The following ENOX1 variants were observed in gnomAD, a reference collection of about 807,000 sequenced individuals.
ENOX1 encodes the protein ecto-NOX disulfide-thiol exchanger 1, also known as candidate growth-related and time keeping constitutive hydroquinone (NADH) oxidase.
Under a neutral mutation model 82.5 loss-of-function variants are expected in ENOX1, and 42 were observed. That is an observed-to-expected ratio of 0.51 (90% CI 0.40 to 0.66). The LOEUF (loss-of-function observed/expected upper bound fraction) is 0.66, where lower values mean the gene tolerates loss of function less well. Ranked by LOEUF, ENOX1 falls within the 30% of genes least tolerant of loss-of-function variation. ENOX1 has a pLI of 0.00. For missense variants in ENOX1, 608 were observed against 811.6 expected, an observed-to-expected ratio of 0.75 and a Z score of 3.05; for synonymous variants, 271 against 282.2, an observed-to-expected ratio of 0.96 and a Z score of 0.40.
chr13:43,390,393 A>C (rs1266556118), intron 5 of ENOX1, among the ~76,000 whole-genome samples: 1 of 152,192 alleles, frequency 6.6e-6, no homozygotes, highest in Non-Finnish European at 1.5e-5. Flanking sequence ...TTTATCAAGG[A>C]GAATGCCTGC....
intron 5 of ENOX1, among the ~76,000 whole-genome samples, chr13:43,387,285 T>G (rs948932193): frequency 1.3e-5 from 2 of 152,118 alleles, no homozygotes; most frequent in South Asian, 2.1e-4. Flanking sequence ...GCCGTTTGAT[T>G]GGTTAAGATG....
chr13:43,289,187 A>G (rs2045867288), intron 12 of ENOX1, among the ~76,000 whole-genome samples: 1 of 152,130 alleles, frequency 6.6e-6, no homozygotes, highest in Non-Finnish European at 1.5e-5. Context: ...CAAATTACTA[A>G]TGTCATTCTT....
chr13:43,326,391 G>T (rs2048116933), intron 10 of ENOX1, 28 bp downstream of exon 10: 1 of 1,591,014 alleles, frequency 6.3e-7, no homozygotes, highest in South Asian at 1.1e-5. Flanking sequence ...TGTGATGGTG[G>T]TTAAAAAGTA....
At chr13:43,312,742 T>C (rs908955103) in intron 11 of ENOX1, among the ~76,000 whole-genome samples, 4 of 152,150 alleles carry the variant, frequency 2.6e-5, no homozygotes, top group African/African-American at 9.7e-5. Flanking sequence ...AAATGGGTGG[T>C]ACCAATTTCC....
intron 2 of ENOX1, among the ~76,000 whole-genome samples, chr13:43,559,597 C>T (rs1203819119): frequency 6.6e-5 from 10 of 152,044 alleles, no homozygotes; most frequent in African/African-American, 1.9e-4. Context: ...TAAATTATCC[C>T]GTTATAGCTA....
At chr13:43,493,130 TTC>T (rs147517109) in intron 2 of ENOX1, among the ~76,000 whole-genome samples, 18 of 149,324 alleles carry the variant, frequency 1.2e-4, no homozygotes, top group South Asian at 2.1e-4. Flanking sequence ...TATCTTAAGA[TTC>T]TCTCTCTCTC....
chr13:43,421,986 G>A (rs1227619901), intron 3 of ENOX1, among the ~76,000 whole-genome samples: 3 of 150,182 alleles, frequency 2.0e-5, no homozygotes, highest in African/African-American at 7.3e-5. Context: ...AATAATAAAG[G>A]AACCAAGAAA....
At chr13:43,754,437 A>G (rs1447865134) in intron 1 of ENOX1, among the ~76,000 whole-genome samples, 3 of 150,724 alleles carry the variant, frequency 2.0e-5, no homozygotes, top group African/African-American at 7.3e-5. Context: ...GGTTCAAGCA[A>G]TTCTCCTGTC....
chr13:43,397,038 A>G (rs2053196692), intron 5 of ENOX1, among the ~76,000 whole-genome samples: 1 of 152,000 alleles, frequency 6.6e-6, no homozygotes. Flanking sequence ...CTGCACTTTC[A>G]TGCCCTTCCC....
chr13:43,405,338 C>T (rs1420720960), intron 5 of ENOX1, among the ~76,000 whole-genome samples: 1 of 152,132 alleles, frequency 6.6e-6, no homozygotes, highest in Non-Finnish European at 1.5e-5. Context: ...AGCAGAGGTG[C>T]GTCTGGGCGT....
At chr13:43,306,161 T>A (rs1481185955) in intron 11 of ENOX1, among the ~76,000 whole-genome samples, 2 of 152,050 alleles carry the variant, frequency 1.3e-5, no homozygotes, top group Non-Finnish European at 2.9e-5. Context: ...AGCTCACACA[T>A]TGAAAAGCTG....
At chr13:43,361,168 A>G (rs1355537226) in intron 6 of ENOX1, 111 bp downstream of exon 6, 9 of 1,130,394 alleles carry the variant, frequency 8.0e-6, no homozygotes, top group African/African-American at 3.1e-5. Flanking sequence ...ACGGATCCCC[A>G]CTCTGTGCAT....
intron 5 of ENOX1, among the ~76,000 whole-genome samples, chr13:43,387,159 C>A (rs2052465771): frequency 6.6e-6 from 1 of 152,146 alleles, no homozygotes; most frequent in African/African-American, 2.4e-5. Context: ...GCTTACCTCC[C>A]AGTGAGGATT....
intron 5 of ENOX1, 100 bp from the exon 6 acceptor site, chr13:43,361,552 T>C (rs1397254220): frequency 8.9e-7 from 1 of 1,127,408 alleles, no homozygotes; most frequent in Non-Finnish European, 1.2e-6. Context: ...ATACTTTCTA[T>C]TTTTCAGGAA....
intron 5 of ENOX1, among the ~76,000 whole-genome samples, chr13:43,379,470 G>T (rs550149336): frequency 6.6e-6 from 1 of 152,138 alleles, no homozygotes; most frequent in African/African-American, 2.4e-5. Flanking sequence ...TAGAGAGATG[G>T]AAGATTAAAA....
chr13:43,414,981 C>T (rs9533480), intron 3 of ENOX1, among the ~76,000 whole-genome samples: 143,412 of 152,194 alleles, frequency 0.94, 68,189 homozygotes, highest in East Asian at 1. Flanking sequence ...AATGGCAGTT[C>T]TCACTTTAGT....
chr13:43,498,704 T>A (rs1183198798), intron 2 of ENOX1, among the ~76,000 whole-genome samples: 3 of 151,966 alleles, frequency 2.0e-5, no homozygotes, highest in Non-Finnish European at 4.4e-5. Context: ...AACTCAATGA[T>A]GAATACAAAA....
intron 8 of ENOX1, among the ~76,000 whole-genome samples, chr13:43,348,829 T>C (rs1468161215): frequency 2.6e-5 from 4 of 152,252 alleles, no homozygotes; most frequent in Non-Finnish European, 5.9e-5. Context: ...AGCCACCAAG[T>C]GCTTCCTTTA....
intron 1 of ENOX1, among the ~76,000 whole-genome samples, chr13:43,719,024 ATTC>A (rs2088362785): frequency 6.6e-6 from 1 of 152,048 alleles, no homozygotes; most frequent in Admixed American, 6.6e-5. Flanking sequence ...TCCTACCACT[ATTC>A]TTCTCCATCT....
Sources: gnomAD v4.1 joint callset for allele counts (sites outside exome capture counted in the v4.1 genomes callset) on GRCh38, gnomAD v4.1.1 for gene constraint, MANE v1.5 for transcripts, NCBI Gene and HGNC (gene_info 2026-07-23, HGNC 2026-07-21) for gene names.